The following DKK2 variants were observed in gnomAD, a reference collection of about 807,000 sequenced individuals.
DKK2 encodes the protein dickkopf Wnt signaling pathway inhibitor 2, also known as dickkopf-related protein 2.
In DKK2, 11 loss-of-function variants were observed where a neutral mutation model predicts 28.1. The ratio of observed to expected loss-of-function variants is 0.39; its 90% CI spans 0.25 to 0.65. DKK2 has a LOEUF of 0.65. DKK2 is among the 30% of genes least tolerant of loss of function. The pLI is 0.47. For synonymous variants in DKK2, 135 were observed against 126.5 expected (o/e 1.07, Z -0.45); for missense variants, 326 against 335.5 (o/e 0.97, Z 0.22).
At chr4:107,003,061 G>C (rs1723385580) in intron 1 of DKK2, among the ~76,000 whole-genome samples, 1 of 152,174 alleles carries the variant, frequency 6.6e-6, no homozygotes, top group Non-Finnish European at 1.5e-5. Context: ...AAGTCTACTG[G>C]AACCTTGTTC....
In DKK2 at chr4:106,950,221, A is replaced by G. The variant is rs1353020177; in HGVS notation, c.223-24272T>C. Among the ~76,000 whole-genome samples, 3 of 152,202 alleles carry G rather than the reference A, an allele frequency of 2.0e-5. No homozygotes were observed. The East Asian group carries it at 5.8e-4, about 29-fold the overall frequency. On this transcript the variant is annotated intron_variant, in intron 1 of 3. Coordinates refer to ENST00000285311, the MANE Select transcript of DKK2 (RefSeq NM_014421.3). ...CAGTCTTTCCCATCCCAGTAAATGG[A>G]AAGTCTACAAAAGCACTTGCTCAGA...
chr4:107,024,005 C>A (rs1723733959), intron 1 of DKK2, among the ~76,000 whole-genome samples: 1 of 152,058 alleles, frequency 6.6e-6, no homozygotes, highest in African/African-American at 2.4e-5. Flanking sequence ...TTGAAAAACA[C>A]TCACTTTCTT....
At chr4:106,996,272 A>C (rs955215231) in intron 1 of DKK2, among the ~76,000 whole-genome samples, 4 of 152,222 alleles carry the variant, frequency 2.6e-5, no homozygotes, top group African/African-American at 4.8e-5. Flanking sequence ...ATTCAACTTA[A>C]GAAAGACACA....
chr4:106,921,999 A>G lies in DKK2; in HGVS notation c.*1955T>C, dbSNP rs1724350136. 6.6e-6 allele frequency: 1 copy of G among 152,628 alleles called. No individual in the cohort carries two copies. Among genetic ancestry groups the G allele is most frequent in the Admixed American group, 6.6e-5 (1 of 15,258 alleles). 9.5% of individuals were successfully genotyped at this position (152,628 alleles called of 1,614,324 possible). On this transcript the variant is annotated 3_prime_UTR_variant, in exon 4 of 4. Coordinates refer to ENST00000285311, the MANE Select transcript of DKK2 (RefSeq NM_014421.3). ...AATTTTTAAAAGGGTGGACATAAGAAAAATATTGCAGAAACCAAATTGTAA... is the reference window on the plus strand; with the variant it reads ...AATTTTTAAAAGGGTGGACATAAGAGAAATATTGCAGAAACCAAATTGTAA...
intron 1 of DKK2, among the ~76,000 whole-genome samples, chr4:106,940,078 G>C (rs917589969): frequency 6.6e-6 from 1 of 152,084 alleles, no homozygotes; most frequent in South Asian, 2.1e-4. Context: ...AACACCAAAA[G>C]CAATGGCAAC....
At chr4:107,023,936 T>G (rs548359388) in intron 1 of DKK2, among the ~76,000 whole-genome samples, 4 of 152,144 alleles carry the variant, frequency 2.6e-5, no homozygotes, top group Non-Finnish European at 5.9e-5. Context: ...TATGAACAAA[T>G]GGACCTATTA....
chr4:107,031,847 A>T (rs1723879818), intron 1 of DKK2, among the ~76,000 whole-genome samples: 1 of 151,970 alleles, frequency 6.6e-6, no homozygotes, highest in Non-Finnish European at 1.5e-5. Context: ...TTGGGTTTTT[A>T]AAATTTGTTT....
intron 1 of DKK2, among the ~76,000 whole-genome samples, chr4:107,010,611 A>G (rs1431328711): frequency 6.6e-6 from 1 of 151,532 alleles, no homozygotes; most frequent in Admixed American, 6.6e-5. Flanking sequence ...CCAAACTAAA[A>G]AAAAGGGATC....
intron 1 of DKK2, among the ~76,000 whole-genome samples, chr4:106,927,791 A>G (rs565419222): frequency 6.6e-6 from 1 of 152,268 alleles, no homozygotes; most frequent in African/African-American, 2.4e-5. Context: ...TTTCTGATTC[A>G]TTTACATTTA....
chr4:106,947,660 C>A (rs1024742730), intron 1 of DKK2, among the ~76,000 whole-genome samples: 32 of 150,454 alleles, frequency 2.1e-4, no homozygotes, highest in Non-Finnish European at 3.0e-5. Flanking sequence ...GATTAATTAT[C>A]TTTTTTCTTT....
intron 1 of DKK2, among the ~76,000 whole-genome samples, chr4:106,942,838 C>T (rs1224778731): frequency 6.6e-6 from 1 of 151,948 alleles, no homozygotes; most frequent in Non-Finnish European, 1.5e-5. Flanking sequence ...TATATAAAAT[C>T]TTGCCTGGTG....
At chr4:107,022,158 A>G (rs1723706636) in intron 1 of DKK2, among the ~76,000 whole-genome samples, 1 of 152,132 alleles carries the variant, frequency 6.6e-6, no homozygotes, top group Non-Finnish European at 1.5e-5. Flanking sequence ...TTCTAAAACC[A>G]TATTAGAAAC....
intron 1 of DKK2, among the ~76,000 whole-genome samples, chr4:106,973,682 G>C (rs2110355193): frequency 1.3e-5 from 2 of 152,176 alleles, no homozygotes; most frequent in South Asian, 4.2e-4. Flanking sequence ...CATACTATAG[G>C]TTGCCTGTTC....
intron 1 of DKK2, among the ~76,000 whole-genome samples, chr4:106,980,343 A>G (rs995178397): frequency 2.0e-5 from 3 of 152,108 alleles, no homozygotes; most frequent in African/African-American, 7.2e-5. Context: ...GCATATGTCT[A>G]TCAATATGTT....
chr4:106,999,022 A>G (rs1345534746), intron 1 of DKK2, among the ~76,000 whole-genome samples: 1 of 152,204 alleles, frequency 6.6e-6, no homozygotes, highest in Admixed American at 6.5e-5. Flanking sequence ...CTGTTAGGAC[A>G]TTCTTTAGAA....
At chr4:106,928,689 A>C (rs561147702) in intron 1 of DKK2, among the ~76,000 whole-genome samples, 1 of 152,294 alleles carries the variant, frequency 6.6e-6, no homozygotes, top group African/African-American at 2.4e-5. Context: ...CGTAAAGCTT[A>C]CCTTGTAATA....
chr4:107,026,355 A>T (rs1159912804), intron 1 of DKK2, among the ~76,000 whole-genome samples: 1 of 152,186 alleles, frequency 6.6e-6, no homozygotes, highest in African/African-American at 2.4e-5. Flanking sequence ...ATGAAAAGTA[A>T]ATAGCAAAAA....
intron 1 of DKK2, among the ~76,000 whole-genome samples, chr4:107,019,911 A>G (rs1344429681): frequency 6.6e-6 from 1 of 151,972 alleles, no homozygotes; most frequent in East Asian, 1.9e-4. Context: ...TGTTTTCCTA[A>G]GATATTTGAA....
intron 1 of DKK2, among the ~76,000 whole-genome samples, chr4:106,988,284 C>T (rs561496660): frequency 1.3e-5 from 2 of 152,130 alleles, no homozygotes; most frequent in African/African-American, 4.8e-5. Context: ...ATTCCAAGCT[C>T]TGTTTTTAAA....
Sources: allele counts gnomAD v4.1 joint callset (sites outside exome capture counted in the v4.1 genomes callset), GRCh38; gene constraint gnomAD v4.1.1; transcripts MANE v1.5; gene names NCBI Gene and HGNC (gene_info 2026-07-23, HGNC 2026-07-21).